Variants in LINGO2 observed in about 807,000 individuals in gnomAD.
LINGO2 encodes leucine-rich repeat and immunoglobulin-like domain-containing nogo receptor-interacting protein 2.
Under a neutral mutation model 30.6 loss-of-function variants are expected in LINGO2, and 14 were observed. The observed-to-expected ratio is 0.46, with a 90% CI of 0.30 to 0.72. LINGO2 has a LOEUF of 0.72. Among genes scored for constraint, LINGO2 ranks in the 30% least tolerant of loss-of-function variants. The pLI, the probability that LINGO2 is intolerant of heterozygous loss-of-function variation, is 0.07. For missense variants in LINGO2, 729 were observed against 751.7 expected, an observed-to-expected ratio of 0.97 and a Z score of 0.35; for synonymous variants, 317 against 288.5, an observed-to-expected ratio of 1.10 and a Z score of -1.00.
At chr9:28,956,981 T>C in the LINGO2 span, among the ~76,000 whole-genome samples, 1 of 151,924 alleles carries the variant, frequency 6.6e-6, no homozygotes, top group African/African-American at 2.4e-5. Flanking sequence ...TCGTACTTGC[T>C]AAAAACCCTT....
intron 4 of LINGO2, among the ~76,000 whole-genome samples, chr9:28,202,351 A>T (rs1820267063): frequency 6.6e-6 from 1 of 152,134 alleles, no homozygotes; most frequent in Admixed American, 6.5e-5. Context: ...CACCATTTGT[A>T]ACAAATACAC....
At chr9:27,978,451 T>C (rs1271497095) in intron 5 of LINGO2, among the ~76,000 whole-genome samples, 2 of 151,948 alleles carry the variant, frequency 1.3e-5, no homozygotes, top group Admixed American at 6.6e-5. Context: ...GTCATGAGGG[T>C]GAAGTCCTAA....
chr9:28,310,256 T>A (rs1053917371), intron 3 of LINGO2, among the ~76,000 whole-genome samples: 2 of 152,182 alleles, frequency 1.3e-5, no homozygotes, highest in African/African-American at 4.8e-5. Flanking sequence ...AGAAACTTTT[T>A]TGGCAGTTTT....
chr9:28,165,592 C>A (rs1015426712), intron 4 of LINGO2, among the ~76,000 whole-genome samples: 2 of 152,124 alleles, frequency 1.3e-5, no homozygotes. Context: ...CAAGAAAATG[C>A]ATTCTGAAAT....
chr9:28,027,699 T>C (rs1823450269), intron 4 of LINGO2, among the ~76,000 whole-genome samples: 1 of 152,142 alleles, frequency 6.6e-6, no homozygotes, highest in Admixed American at 6.5e-5. Flanking sequence ...TCTGGCAGGA[T>C]TAAATGCGAG....
At chr9:28,733,740 A>T in the LINGO2 span, among the ~76,000 whole-genome samples, 1 of 152,154 alleles carries the variant, frequency 6.6e-6, no homozygotes, top group Admixed American at 6.5e-5. Flanking sequence ...TTTACCAGTT[A>T]TACTGACTTC....
chr9:29,087,604 G>C, the LINGO2 span, among the ~76,000 whole-genome samples: 1 of 152,072 alleles, frequency 6.6e-6, no homozygotes, highest in Admixed American at 6.6e-5. Context: ...CTCGCTCATA[G>C]ACCTCTATAC....
intron 2 of LINGO2, among the ~76,000 whole-genome samples, chr9:28,393,769 T>C (rs1404324330): frequency 2.6e-5 from 4 of 152,190 alleles, no homozygotes; most frequent in Admixed American, 6.5e-5. Flanking sequence ...CAGAGTTTGG[T>C]CTGCCCCAGT....
At chr9:28,302,652 C>T (rs1474520020) in intron 3 of LINGO2, among the ~76,000 whole-genome samples, 1 of 152,124 alleles carries the variant, frequency 6.6e-6, no homozygotes, top group Non-Finnish European at 1.5e-5. Context: ...ACCTGGGCAA[C>T]TGAGTGAGAA....
At chr9:28,577,376 C>T (rs2135629495) in intron 1 of LINGO2, among the ~76,000 whole-genome samples, 1 of 152,240 alleles carries the variant, frequency 6.6e-6, no homozygotes, top group East Asian at 1.9e-4. Context: ...CAAGACCCGA[C>T]CAGTCCTGTG....
At chr9:27,950,430 G>A (rs759108853) in exon 6 of LINGO2, 1 of 1,614,022 alleles carries the variant, frequency 6.2e-7, no homozygotes, top group Non-Finnish European at 8.5e-7. Flanking sequence ...TTCCAGCAGA[G>A]GATATGATAT....
intron 4 of LINGO2, among the ~76,000 whole-genome samples, chr9:28,239,641 A>T (rs1821708500): frequency 6.6e-6 from 1 of 152,202 alleles, no homozygotes; most frequent in African/African-American, 2.4e-5. Context: ...CCTCAACATA[A>T]TAAAATCTGC....
chr9:28,611,399 G>A (rs185539417), intron 1 of LINGO2, among the ~76,000 whole-genome samples: 3 of 151,682 alleles, frequency 2.0e-5, no homozygotes, highest in South Asian at 2.1e-4. Context: ...ATGTGAGAGA[G>A]AGCATCTACT....
At chr9:28,811,390 G>A in the LINGO2 span, among the ~76,000 whole-genome samples, 1 of 152,008 alleles carries the variant, frequency 6.6e-6, no homozygotes, top group Admixed American at 6.6e-5. Flanking sequence ...ATCTCTATGT[G>A]GTAATTACAG....
chr9:29,085,072 C>T, the LINGO2 span, among the ~76,000 whole-genome samples: 1 of 151,694 alleles, frequency 6.6e-6, no homozygotes. Context: ...CTTTTCCATA[C>T]AAAATTTATT....
intron 1 of LINGO2, among the ~76,000 whole-genome samples, chr9:28,561,747 G>GTATA (rs1483882981): frequency 8.4e-5 from 3 of 35,850 alleles, no homozygotes; most frequent in African/African-American, 1.4e-4. Flanking sequence ...GTGTGTGTGT[G>GTATA]TGTATATATA....
intron 3 of LINGO2, among the ~76,000 whole-genome samples, chr9:28,364,667 GAC>G (rs1185661962): frequency 6.6e-6 from 1 of 152,162 alleles, no homozygotes; most frequent in Non-Finnish European, 1.5e-5. Flanking sequence ...TTGTATTGTA[GAC>G]AGTTATGTTT....
At chr9:28,958,882 T>C in the LINGO2 span, among the ~76,000 whole-genome samples, 1 of 152,010 alleles carries the variant, frequency 6.6e-6, no homozygotes, top group Non-Finnish European at 1.5e-5. Flanking sequence ...GAGACTCAGC[T>C]CTTAATAACC....
intron 4 of LINGO2, among the ~76,000 whole-genome samples, chr9:28,182,611 T>C (rs750702167): frequency 4.6e-4 from 70 of 151,952 alleles, no homozygotes; most frequent in Non-Finnish European, 8.1e-4. Flanking sequence ...CTTAAACAAA[T>C]TTACAAGAAA....
Sources: gnomAD v4.1 joint callset for allele counts (sites outside exome capture counted in the v4.1 genomes callset) on GRCh38, gnomAD v4.1.1 for gene constraint, MANE v1.5 for transcripts, NCBI Gene and HGNC (gene_info 2026-07-23, HGNC 2026-07-21) for gene names.